The following RALA variants were observed in gnomAD, a reference collection of about 807,000 sequenced individuals.
RALA encodes ras-related protein Ral-A.
RALA carries 5 observed loss-of-function variants against 24.0 expected under a neutral mutation model. The observed-to-expected ratio is 0.21, with a 90% CI of 0.11 to 0.44. The LOEUF (loss-of-function observed/expected upper bound fraction) is 0.44, where lower values mean the gene tolerates loss of function less well. RALA is among the 20% of genes least tolerant of loss of function. The pLI is 0.99. For missense variants in RALA, 95 were observed against 241.2 expected, an observed-to-expected ratio of 0.39 and a Z score of 4.01; for synonymous variants, 77 against 83.8, an observed-to-expected ratio of 0.92 and a Z score of 0.44.
At chr7:39,643,814 C>T (rs373197691) in intron 1 of RALA, among the ~76,000 whole-genome samples, 24 of 152,170 alleles carry the variant, frequency 1.6e-4, no homozygotes, top group East Asian at 9.7e-4. Context: ...CCAAGATCCA[C>T]GCCACCTGCA....
rs190214541 is a variant in RALA at position 39,661,484 on chromosome 7, C to T, written c.-37-25147C>T. 3.3e-5 allele frequency among the ~76,000 whole-genome samples: 5 copies of T among 152,324 alleles called. No individual in the cohort carries two copies. In the East Asian group the frequency reaches 9.6e-4, roughly 29 times the overall value. The stretch of plus-strand genomic sequence containing the variant: ...AGGGTGCAGGCATTGGGTAAATGCA[C>T]CCATTCCAAATGGGAGAAATTGGCC... On this transcript the variant is annotated intron_variant, in intron 1 of 4. Coordinates refer to ENST00000005257, the MANE Select transcript of RALA (RefSeq NM_005402.4).
intron 1 of RALA, among the ~76,000 whole-genome samples, chr7:39,658,727 C>G (rs1792136326): frequency 6.6e-6 from 1 of 151,868 alleles, no homozygotes; most frequent in Non-Finnish European, 1.5e-5. Context: ...CGAATCTTCC[C>G]TCTAGGCTAT....
intron 1 of RALA, among the ~76,000 whole-genome samples, chr7:39,684,138 C>CA (rs1792653613): frequency 6.6e-6 from 1 of 152,142 alleles, no homozygotes; most frequent in South Asian, 2.1e-4. Flanking sequence ...GATAAGCACT[C>CA]ACAATCTAAT....
intron 1 of RALA, among the ~76,000 whole-genome samples, chr7:39,654,276 T>C (rs2115976894): frequency 6.6e-6 from 1 of 152,334 alleles, no homozygotes; most frequent in African/African-American, 2.4e-5. Flanking sequence ...GGCTAAAATA[T>C]GTATTTATAG....
chr7:39,702,586 C>T (rs115839245), intron 4 of RALA, among the ~76,000 whole-genome samples: 1,583 of 152,228 alleles, frequency 0.01, 26 homozygotes, highest in African/African-American at 0.036. Flanking sequence ...GCAGTGTTCA[C>T]AATAGCCAAG....
At chr7:39,663,675 C>T (rs536896931) in intron 1 of RALA, among the ~76,000 whole-genome samples, 1 of 151,472 alleles carries the variant, frequency 6.6e-6, no homozygotes, top group African/African-American at 2.4e-5. Context: ...ACTGCAGCTA[C>T]AGCAGCAGGC....
At chr7:39,649,053 C>T (rs555939356) in intron 1 of RALA, among the ~76,000 whole-genome samples, 13 of 152,184 alleles carry the variant, frequency 8.5e-5, no homozygotes, top group African/African-American at 3.1e-4. Context: ...GAGCGAGACC[C>T]TGTCTCAATA....
chr7:39,665,730 C>G (rs1792276762), intron 1 of RALA, among the ~76,000 whole-genome samples: 1 of 151,826 alleles, frequency 6.6e-6, no homozygotes, highest in Admixed American at 6.6e-5. Context: ...CTGTGCCACC[C>G]GTGAGAATTA....
intron 1 of RALA, among the ~76,000 whole-genome samples, chr7:39,624,944 A>G (rs1386421710): frequency 6.6e-6 from 1 of 152,210 alleles, no homozygotes; most frequent in East Asian, 1.9e-4. Flanking sequence ...CTCTGGTAAT[A>G]CAATATTATT....
intron 3 of RALA, among the ~76,000 whole-genome samples, chr7:39,694,907 T>C (rs915546630): frequency 1.3e-5 from 2 of 151,330 alleles, no homozygotes; most frequent in African/African-American, 2.4e-5. Context: ...AAAAAAAAAT[T>C]AGCTGGGTGT....
intron 1 of RALA, among the ~76,000 whole-genome samples, chr7:39,654,623 A>G (rs1792068508): frequency 6.6e-6 from 1 of 152,196 alleles, no homozygotes; most frequent in African/African-American, 2.4e-5. Flanking sequence ...GCCTAACCCA[A>G]GGTCACATGC....
In RALA at chr7:39,686,760, T is replaced by G; in HGVS notation, c.93T>G (p.Thr31=). Residue 31 remains threonine, a synonymous_variant, in exon 2 of 5, where the codon ACT becomes ACG. Coordinates refer to ENST00000005257, the MANE Select transcript of RALA (RefSeq NM_005402.4). Reference sequence around the variant, plus strand: ...GTGGCGTGGGCAAGTCAGCTCTGACTCTACAGTTCATGTACGATGAGGTAA... The same window carrying G: ...GTGGCGTGGGCAAGTCAGCTCTGACGCTACAGTTCATGTACGATGAGGTAA... The part of the protein sequence containing the change: ...GSGGVGKSAL[T]LQFMYDEFVE... 6.2e-7 allele frequency: 1 copy of G among 1,613,750 alleles called. No homozygotes were observed. Among genetic ancestry groups the G allele is most frequent in the South Asian group, 1.1e-5 (1 of 91,080 alleles).
At chr7:39,673,887 T>C (rs1467424754) in intron 1 of RALA, among the ~76,000 whole-genome samples, 2 of 152,006 alleles carry the variant, frequency 1.3e-5, no homozygotes, top group Admixed American at 1.3e-4. Flanking sequence ...CTCAAACTTA[T>C]AATCCCAGCA....
chr7:39,647,915 T>G (rs955228423), intron 1 of RALA, among the ~76,000 whole-genome samples: 5 of 152,254 alleles, frequency 3.3e-5, no homozygotes, highest in African/African-American at 1.2e-4. Flanking sequence ...GTGTTATTAT[T>G]GAAAACAGAG....
chr7:39,641,020 A>G (rs772507383), intron 1 of RALA, among the ~76,000 whole-genome samples: 22 of 152,134 alleles, frequency 1.4e-4, no homozygotes, highest in Non-Finnish European at 2.9e-4. Flanking sequence ...CTTCCTCACT[A>G]GCCCTATCAG....
At chr7:39,694,956 A>G (rs1363338293) in intron 3 of RALA, among the ~76,000 whole-genome samples, 1 of 151,656 alleles carries the variant, frequency 6.6e-6, no homozygotes, top group Non-Finnish European at 1.5e-5. Context: ...CTACTCGGGA[A>G]GTTGAGGTAA....
chr7:39,683,790 AG>A (rs1792646703), intron 1 of RALA, among the ~76,000 whole-genome samples: 1 of 151,952 alleles, frequency 6.6e-6, no homozygotes, highest in South Asian at 2.1e-4. Flanking sequence ...TTATTCTAGA[AG>A]GAAAAGTGTT....
chr7:39,666,596 A>G (rs1352809245), intron 1 of RALA, among the ~76,000 whole-genome samples: 1 of 152,244 alleles, frequency 6.6e-6, no homozygotes, highest in Non-Finnish European at 1.5e-5. Flanking sequence ...TTAACAGTAC[A>G]TACTAAGAGG....
intron 1 of RALA, among the ~76,000 whole-genome samples, chr7:39,632,644 C>A (rs1477549838): frequency 6.6e-6 from 1 of 151,932 alleles, no homozygotes; most frequent in Admixed American, 6.6e-5. Context: ...ATGGTGAAAC[C>A]CTGTCTCTAC....
Sources: allele counts gnomAD v4.1 joint callset (sites outside exome capture counted in the v4.1 genomes callset), GRCh38; gene constraint gnomAD v4.1.1; transcripts MANE v1.5; gene names NCBI Gene and HGNC (gene_info 2026-07-23, HGNC 2026-07-21).